The following FXYD7 variants were observed in gnomAD, a reference collection of about 807,000 sequenced individuals.
The protein encoded by FXYD7 is FXYD domain-containing ion transport regulator 7.
In FXYD7, 7 loss-of-function variants were observed where a neutral mutation model predicts 15.3. The observed-to-expected ratio is 0.46, with a 90% CI of 0.26 to 0.86. The LOEUF (loss-of-function observed/expected upper bound fraction) is 0.86. Among genes scored for constraint, FXYD7 ranks in the 40% least tolerant of loss-of-function variants. The probability of loss-of-function intolerance (pLI) is 0.16; values close to 1 mark genes in which losing one functional copy is unlikely to be tolerated. For missense variants in FXYD7, 78 were observed against 100.6 expected, an observed-to-expected ratio of 0.78 and a Z score of 0.96; for synonymous variants, 39 against 39.3, an observed-to-expected ratio of 0.99 and a Z score of 0.03.
At chr19:35,148,919 A>T in intron 2 of FXYD7, 196 bp downstream of exon 2, 1 of 709,484 alleles carries the variant, frequency 1.4e-6, no homozygotes, top group Non-Finnish European at 2.6e-6. Context: ...GATGCCTCAC[A>T]CTCTCTCTGA....
chr19:35,148,864 A>G (rs758238812), intron 2 of FXYD7, 141 bp downstream of exon 2: 5 of 806,022 alleles, frequency 6.2e-6, no homozygotes, highest in Admixed American at 3.4e-5. Context: ...GGTGTGGTTC[A>G]CATCAGCTGA....
chr19:35,151,780 G>C (rs973934684), intron 5 of FXYD7, 107 bp downstream of exon 5: 12 of 781,824 alleles, frequency 1.5e-5, no homozygotes, highest in Admixed American at 7.1e-5. Flanking sequence ...GGGCGGAGGG[G>C]GGGTGGTGCC....
At chr19:35,148,792 C>A (rs2065299382) in intron 2 of FXYD7, 69 bp downstream of exon 2, 1 of 1,375,662 alleles carries the variant, frequency 7.3e-7, no homozygotes, top group Non-Finnish European at 1.0e-6. Context: ...TCACTCCGGA[C>A]ATGGCTTCAG....
chr19:35,145,349 C>T (rs567278787), intron 1 of FXYD7, among the ~76,000 whole-genome samples: 4 of 152,304 alleles, frequency 2.6e-5, no homozygotes, highest in Admixed American at 6.5e-5. Context: ...CCCAGGTTGC[C>T]GGGGCAGCAG....
intron 5 of FXYD7, 106 bp downstream of exon 5, chr19:35,151,779 G>C (rs368538591): frequency 1.5e-5 from 12 of 781,514 alleles, no homozygotes; most frequent in African/African-American, 6.8e-5. Context: ...GGGGCGGAGG[G>C]GGGGTGGTGC....
intron 2 of FXYD7, among the ~76,000 whole-genome samples, chr19:35,150,848 A>T (rs2065307049): frequency 6.6e-6 from 1 of 151,942 alleles, no homozygotes; most frequent in Non-Finnish European, 1.5e-5. Context: ...ACCAGATCTG[A>T]CTCAAATGTT....
intron 1 of FXYD7, among the ~76,000 whole-genome samples, chr19:35,145,899 T>A (rs1459235032): frequency 6.6e-6 from 1 of 152,090 alleles, no homozygotes; most frequent in East Asian, 1.9e-4. Context: ...TGCCTCAGCC[T>A]CCCAAGTAGC....
At chr19:35,152,176 A>C (rs2065313631) in intron 5 of FXYD7, among the ~76,000 whole-genome samples, 1 of 140,548 alleles carries the variant, frequency 7.1e-6, no homozygotes, top group Admixed American at 7.1e-5. Context: ...GAAATGAAGG[A>C]AGGAAGGGAG....
At chr19:35,152,134 CAAAAA>C (rs71167517) in intron 5 of FXYD7, among the ~76,000 whole-genome samples, 3 of 45,136 alleles carry the variant, frequency 6.6e-5, no homozygotes, top group African/African-American at 1.7e-4. Flanking sequence ...GTGAGACTGT[CAAAAA>C]AAAAAAAAAA....
Position 35,154,076 on chromosome 19 carries a change from C to T in FXYD7, c.*160C>T, listed in dbSNP as rs1451621638. On this transcript the variant is annotated 3_prime_UTR_variant, in exon 6 of 6. Transcript: ENST00000270310. ...AGCCGCTGCACCCTGCTGTCCCTCT[C>T]CAGGCCTTGGCAATGACGATCCCCC... is the stretch of plus-strand genomic sequence containing the variant. 15 of 631,046 alleles carry T rather than the reference C, an allele frequency of 2.4e-5. No homozygotes were observed. The highest frequency in any genetic ancestry group is 3.6e-5 in the Non-Finnish European group (13 of 365,986). The allele number at this position is 631,046 out of a possible 1,614,324, so 39.1% of individuals were successfully genotyped here.
Position 35,148,719 on chromosome 19 carries a change from C to T in FXYD7, c.57C>T (p.Tyr19=). The change falls in exon 2 of 6, where the codon TAC becomes TAT. Residue 19 remains tyrosine, a synonymous_variant. Transcript: ENST00000270310. ...TKAPEEPDPF[Y]YDYNTVQTVG... ...CTCCTGAGGAACCTGACCCATTTTA[C>T]TATGGTGAGTGTTGGATTTGGGGAT... 1 of 1,597,316 alleles carries T rather than the reference C, an allele frequency of 6.3e-7. No homozygotes were observed. The highest frequency in any genetic ancestry group is 8.6e-7 in the Non-Finnish European group (1 of 1,167,490).
At position 35,153,974 on chromosome 19, in the gene FXYD7, G is replaced by A; in HGVS notation, c.*58G>A. ...GCCTGAGCGCGGGAGCCTGAGGACC[G>A]GGTGGAGGCGGTGGGGACCCAGCCG... On this transcript the variant is annotated 3_prime_UTR_variant, in exon 6 of 6. Transcript: ENST00000270310. The A allele has an allele frequency of 1.3e-6, 2 of 1,561,744 alleles. No individual in the cohort carries two copies. Among genetic ancestry groups the A allele is most frequent in the South Asian group, 1.1e-5 (1 of 89,824 alleles).
chr19:35,143,281 T>A lies in FXYD7; in HGVS notation c.-53T>A, dbSNP rs1568404298. ...ATCGGTCCGTCCTGCTTCCAGCTGC[T>A]GCAGCGCGCCTTCGCCGCCAAAGCA... On this transcript the variant is annotated 5_prime_UTR_variant, in exon 1 of 6. Transcript: ENST00000270310. This position sits in a 1 kb window ranked among gnomAD's most constrained non-coding sequence, Gnocchi z 4.3. 1 of 1,471,322 alleles carries A rather than the reference T, an allele frequency of 6.8e-7. No individual in the cohort carries two copies. Among genetic ancestry groups the A allele is most frequent in the East Asian group, 2.6e-5 (1 of 38,006 alleles). The allele number at this position is 1,471,322 out of a possible 1,614,324, so 91.1% of individuals were successfully genotyped here. A position where few individuals can be genotyped will look rare whatever the true frequency, so the allele number is the denominator to read the frequency against.
intron 1 of FXYD7, among the ~76,000 whole-genome samples, chr19:35,147,754 GA>G (rs1364240430): frequency 1.3e-5 from 2 of 152,076 alleles, no homozygotes; most frequent in Non-Finnish European, 2.9e-5. Context: ...AGCACTATGG[GA>G]GGCTGAGGCG....
At chr19:35,149,567 G>A (rs1168185556) in intron 2 of FXYD7, 1 of 165,096 alleles carries the variant, frequency 6.1e-6, no homozygotes, top group Non-Finnish European at 1.3e-5. Context: ...TGCTGGTAGA[G>A]GCCTGGACCA....
At chr19:35,147,450 A>C (rs893458139) in intron 1 of FXYD7, among the ~76,000 whole-genome samples, 3 of 152,206 alleles carry the variant, frequency 2.0e-5, no homozygotes, top group African/African-American at 7.2e-5. Context: ...TTGAATGGGA[A>C]GGATGTTCTG....
intron 3 of FXYD7, 54 bp from the exon 4 acceptor site, chr19:35,151,386 C>G (rs756569494): frequency 6.2e-7 from 1 of 1,603,680 alleles, no homozygotes; most frequent in East Asian, 2.2e-5. Context: ...TGGCTTTCAT[C>G]CATATCCTAC....
At chr19:35,148,988 A>G (rs1568406186) in intron 2 of FXYD7, 1 of 620,186 alleles carries the variant, frequency 1.6e-6, no homozygotes, top group South Asian at 1.5e-5. Flanking sequence ...AGAGAAGCAG[A>G]TGAAGGAAAA....
chr19:35,151,770 G>T, intron 5 of FXYD7, 97 bp downstream of exon 5: 1 of 776,384 alleles, frequency 1.3e-6, no homozygotes, highest in Non-Finnish European at 2.3e-6. Flanking sequence ...TGGACGCAGG[G>T]GGCGGAGGGG....
Sources: gnomAD v4.1 joint callset for allele counts (sites outside exome capture counted in the v4.1 genomes callset) on GRCh38, gnomAD v4.1.1 for gene constraint, Gnocchi (gnomAD v3.1) non-coding constraint, MANE v1.5 for transcripts, NCBI Gene and HGNC (gene_info 2026-07-23, HGNC 2026-07-21) for gene names.